SLC9A9: variants seen among roughly 807,000 people sequenced by gnomAD.
SLC9A9 encodes the protein sodium/hydrogen exchanger 9.
Under a neutral mutation model 77.8 loss-of-function variants are expected in SLC9A9, and 62 were observed. The observed-to-expected ratio is 0.80, with a 90% CI of 0.65 to 0.98. The LOEUF (loss-of-function observed/expected upper bound fraction) is 0.98. SLC9A9 is among the 50% of genes least tolerant of loss of function. The pLI is 0.00. For missense variants in SLC9A9, 775 were observed against 774.9 expected, an observed-to-expected ratio of 1.00 and a Z score of 0.00; for synonymous variants, 320 against 283.5, an observed-to-expected ratio of 1.13 and a Z score of -1.29.
At chr3:143,374,305 G>A (rs1384359722) in intron 13 of SLC9A9, among the ~76,000 whole-genome samples, 1 of 150,870 alleles carries the variant, frequency 6.6e-6, no homozygotes, top group African/African-American at 2.4e-5. Flanking sequence ...GGCGCCTGTA[G>A]TCCCAGCTAC....
intron 4 of SLC9A9, among the ~76,000 whole-genome samples, chr3:143,713,585 G>A (rs1188109800): frequency 6.6e-6 from 1 of 152,226 alleles, no homozygotes; most frequent in Non-Finnish European, 1.5e-5. Context: ...ATGATTGTGA[G>A]AAGTAGTGAG....
chr3:143,728,536 G>A (rs145650446), intron 4 of SLC9A9, among the ~76,000 whole-genome samples: 205 of 152,186 alleles, frequency 1.3e-3, no homozygotes, highest in Middle Eastern at 0.01. Flanking sequence ...TGGTGGTAAG[G>A]TATTTGGATT....
chr3:143,297,660 T>C (rs1165997360), intron 14 of SLC9A9, among the ~76,000 whole-genome samples: 1 of 152,262 alleles, frequency 6.6e-6, no homozygotes, highest in African/African-American at 2.4e-5. Context: ...TTTCCATTTG[T>C]GTCTTTTAAT....
intron 14 of SLC9A9, among the ~76,000 whole-genome samples, chr3:143,303,386 TGAGGGAA>T (rs1387703162): frequency 3.3e-5 from 5 of 151,198 alleles, no homozygotes; most frequent in Non-Finnish European, 7.4e-5. Flanking sequence ...TTTTTTTTTT[TGAGGGAA>T]GGAGGGAAGG....
chr3:143,266,995 ATTTT>A, intron 15 of SLC9A9, 66 bp from the exon 16 acceptor site: 6 of 1,233,614 alleles, frequency 4.9e-6, no homozygotes, highest in Non-Finnish European at 5.7e-6. Context: ...CAGTCCTACA[ATTTT>A]TTTTTTTTTT....
chr3:143,660,708 A>C (rs999861556), intron 5 of SLC9A9, among the ~76,000 whole-genome samples: 3 of 152,160 alleles, frequency 2.0e-5, no homozygotes, highest in Admixed American at 1.3e-4. Context: ...GGGCAGACCA[A>C]GCTCCCATAC....
chr3:143,785,698 CGT>C (rs1376222103), intron 4 of SLC9A9, among the ~76,000 whole-genome samples: 1 of 151,542 alleles, frequency 6.6e-6, no homozygotes, highest in Non-Finnish European at 1.5e-5. Context: ...TGTGTGTGAG[CGT>C]GTGTGTGTAG....
At chr3:143,728,034 T>C (rs1367623158) in intron 4 of SLC9A9, among the ~76,000 whole-genome samples, 1 of 152,234 alleles carries the variant, frequency 6.6e-6, no homozygotes, top group Non-Finnish European at 1.5e-5. Context: ...CTTCGAATAT[T>C]GTCCCTGATA....
chr3:143,453,114 A>T (rs113438727), intron 12 of SLC9A9, among the ~76,000 whole-genome samples: 1 of 152,042 alleles, frequency 6.6e-6, no homozygotes. Context: ...ATTAGGTTGA[A>T]CCATACGAAA....
In SLC9A9 at chr3:143,521,627, T is replaced by C. The variant is rs72991996; in HGVS notation, c.1090-26179A>G. On this transcript the variant is annotated intron_variant, in intron 9 of 15. Coordinates refer to ENST00000316549, the MANE Select transcript of SLC9A9 (RefSeq NM_173653.4). Reference sequence around the variant, plus strand: ...TTGCTGTTTCCATTTCCTGCCTTCTTTTGTATTGATTAATTTTTTCTTTCT... The same window carrying C: ...TTGCTGTTTCCATTTCCTGCCTTCTCTTGTATTGATTAATTTTTTCTTTCT... Among the ~76,000 whole-genome samples, 550 of 152,234 alleles carry C rather than the reference T, an allele frequency of 3.6e-3. 6 individuals are homozygous for C. Among genetic ancestry groups the C allele is most frequent in the African/African-American group, 0.012 (509 of 41,568 alleles).
chr3:143,678,884 A>G (rs2108771451), intron 5 of SLC9A9, among the ~76,000 whole-genome samples: 1 of 152,346 alleles, frequency 6.6e-6, no homozygotes, highest in South Asian at 2.1e-4. Context: ...GTGAACTATA[A>G]TAGCATCGGC....
chr3:143,287,771 T>C (rs1938422876), intron 14 of SLC9A9, among the ~76,000 whole-genome samples: 1 of 152,174 alleles, frequency 6.6e-6, no homozygotes, highest in African/African-American at 2.4e-5. Flanking sequence ...CTCACTGTAA[T>C]TAGGAATGGC....
intron 14 of SLC9A9, among the ~76,000 whole-genome samples, chr3:143,323,694 T>C (rs1559867807): frequency 6.6e-6 from 1 of 152,154 alleles, no homozygotes; most frequent in Non-Finnish European, 1.5e-5. Flanking sequence ...GAAAAATATA[T>C]CGTACTCAAG....
chr3:143,843,421 G>A (rs953007376), intron 1 of SLC9A9, among the ~76,000 whole-genome samples: 8 of 152,210 alleles, frequency 5.3e-5, no homozygotes, highest in Admixed American at 1.3e-4. Context: ...AAAACTTGGT[G>A]TTGAGTGAAT....
chr3:143,651,677 G>A (rs182210606), intron 6 of SLC9A9, among the ~76,000 whole-genome samples: 1 of 152,200 alleles, frequency 6.6e-6, no homozygotes, highest in African/African-American at 2.4e-5. Flanking sequence ...TAAGGAAAGA[G>A]CACTGGCTCT....
At chr3:143,269,125 A>G in intron 14 of SLC9A9, 145 bp from the exon 15 acceptor site, 1 of 674,626 alleles carries the variant, frequency 1.5e-6, no homozygotes, top group East Asian at 3.0e-5. Flanking sequence ...CCCTGCAAAA[A>G]TTGCTGTTTA....
chr3:143,758,952 C>T (rs192920232), intron 4 of SLC9A9, among the ~76,000 whole-genome samples: 11 of 152,238 alleles, frequency 7.2e-5, no homozygotes, highest in Admixed American at 6.5e-4. Context: ...TTAATAATGA[C>T]AGTATCAAAA....
At chr3:143,697,042 A>G (rs983697509) in intron 4 of SLC9A9, among the ~76,000 whole-genome samples, 1 of 151,944 alleles carries the variant, frequency 6.6e-6, no homozygotes, top group Non-Finnish European at 1.5e-5. Flanking sequence ...TACAAGAATG[A>G]AAAATTCAAA....
chr3:143,391,220 C>T (rs1031413464), intron 12 of SLC9A9, among the ~76,000 whole-genome samples: 2 of 152,214 alleles, frequency 1.3e-5, no homozygotes, highest in African/African-American at 4.8e-5. Context: ...CAGACAGACA[C>T]CTCACATGGC....
Sources: gnomAD v4.1 joint callset for allele counts (sites outside exome capture counted in the v4.1 genomes callset) on GRCh38, gnomAD v4.1.1 for gene constraint, MANE v1.5 for transcripts, NCBI Gene and HGNC (gene_info 2026-07-23, HGNC 2026-07-21) for gene names.